Variants in ADAM7 observed in about 807,000 individuals in gnomAD.
ADAM7 encodes the protein ADAM metallopeptidase domain 7.
ADAM7 carries 97 observed loss-of-function variants against 102.9 expected under a neutral mutation model. That is an observed-to-expected ratio of 0.94 (90% CI 0.80 to 1.12). ADAM7 has a LOEUF of 1.12. Among genes scored for constraint, ADAM7 ranks in the 50% most tolerant of loss-of-function variants. The pLI is 0.00. For missense variants in ADAM7, 991 were observed against 908.7 expected (o/e 1.09, Z -1.16); for synonymous variants, 334 against 304.4 (o/e 1.10, Z -1.01).
At chr8:24,464,214 A>G (rs577655614) in intron 4 of ADAM7, among the ~76,000 whole-genome samples, 98 of 152,314 alleles carry the variant, frequency 6.4e-4, no homozygotes, top group African/African-American at 2.0e-3. Context: ...TGTACACTCA[A>G]TATGGTGTTA....
In ADAM7 at chr8:24,475,505, T is replaced by C. The variant is rs1819737998; in HGVS notation, c.634-928T>C. 2.0e-5 allele frequency among the ~76,000 whole-genome samples: 3 copies of C among 152,118 alleles called. No homozygotes were observed. In the South Asian group the frequency reaches 6.2e-4, roughly 32 times the overall value. On this transcript the variant is annotated intron_variant, in intron 7 of 21. Transcript: ENST00000175238. Reference sequence around the variant, plus strand: ...AAAGGAAAATATGTTCACAATGTATTTGATAATTAAGAGAATATTTGTGGG... The same window carrying C: ...AAAGGAAAATATGTTCACAATGTATCTGATAATTAAGAGAATATTTGTGGG...
rs544890798 is a variant in ADAM7 at position 24,482,367 on chromosome 8, C to CA, written c.875+65dup. On this transcript the variant is annotated intron_variant, in intron 9 of 21. Coordinates refer to ENST00000175238, the MANE Select transcript of ADAM7 (RefSeq NM_003817.4). Reference sequence around the variant, plus strand: ...TTTGGTGGATTATTACAAAAGAAAACAAAAAAAAATTAACAGAAAAAAAAC... The same window carrying CA: ...TTTGGTGGATTATTACAAAAGAAAACAAAAAAAAAATTAACAGAAAAAAAAC... 5.6e-4 allele frequency: 800 copies of CA among 1,436,112 alleles called. 4 individuals carry two copies. In the South Asian group the frequency reaches 5.7e-3, roughly 10 times the overall value. The allele number at this position is 1,436,112 out of a possible 1,614,324, so 89.0% of individuals were successfully genotyped here.
At chr8:24,478,508 T>C (rs1007863489) in intron 8 of ADAM7, among the ~76,000 whole-genome samples, 3 of 152,276 alleles carry the variant, frequency 2.0e-5, no homozygotes, top group Non-Finnish European at 2.9e-5. Context: ...TTGTTCTGTT[T>C]CATAACCTAA....
chr8:24,448,511 C>G (rs996113086), intron 3 of ADAM7, among the ~76,000 whole-genome samples: 1 of 152,112 alleles, frequency 6.6e-6, no homozygotes, highest in East Asian at 1.9e-4. Context: ...TACCACAGAG[C>G]CTCTAAATCT....
intron 3 of ADAM7, among the ~76,000 whole-genome samples, chr8:24,459,979 A>C (rs540329511): frequency 6.6e-6 from 1 of 151,844 alleles, no homozygotes; most frequent in East Asian, 1.9e-4. Context: ...GATTTTTTTT[A>C]TTATCATTCA....
chr8:24,460,398 A>G (rs1819197935), intron 3 of ADAM7, among the ~76,000 whole-genome samples: 1 of 152,044 alleles, frequency 6.6e-6, no homozygotes, highest in South Asian at 2.1e-4. Flanking sequence ...TCCTATTAAC[A>G]TTACATTAAA....
At chr8:24,449,152 C>T (rs891461272) in intron 3 of ADAM7, among the ~76,000 whole-genome samples, 4 of 152,156 alleles carry the variant, frequency 2.6e-5, no homozygotes, top group Non-Finnish European at 5.9e-5. Flanking sequence ...ATTTATAGTC[C>T]TTTGGGTATA....
intron 3 of ADAM7, among the ~76,000 whole-genome samples, chr8:24,452,099 T>G (rs1436189494): frequency 6.6e-6 from 1 of 151,688 alleles, no homozygotes; most frequent in African/African-American, 2.4e-5. Flanking sequence ...ATAGGTGTGG[T>G]GTGGTGCTGA....
chr8:24,500,745 T>C (rs1233786709), intron 18 of ADAM7, 45 bp from the exon 19 acceptor site: 4 of 1,513,156 alleles, frequency 2.6e-6, no homozygotes, highest in African/African-American at 2.8e-5. Context: ...TCCACTGTTT[T>C]ACAACTGATA....
intron 10 of ADAM7, among the ~76,000 whole-genome samples, chr8:24,486,698 C>T (rs912821086): frequency 2.6e-5 from 4 of 151,876 alleles, no homozygotes; most frequent in South Asian, 2.1e-4. Flanking sequence ...TGTCCTGACC[C>T]GGTAGAAGGG....
At chr8:24,457,863 A>ATT (rs1554538194) in intron 3 of ADAM7, among the ~76,000 whole-genome samples, 2 of 147,874 alleles carry the variant, frequency 1.4e-5, no homozygotes, top group Non-Finnish European at 3.0e-5. Context: ...TATGTGTGTG[A>ATT]GTGTGTGTGT....
rs200101638 is a variant in ADAM7, at chr8:24,500,837, G to A, written c.2050G>A (p.Gly684Arg). The A allele has an allele frequency of 6.1e-5, 98 of 1,613,298 alleles. No individual in the cohort carries two copies. In the East Asian group the frequency reaches 9.6e-4, roughly 16 times the overall value. ...GCTTGTCCTGGTTATTGTCGGTATC[G>A]GAGTTCTTATACTATTAGTTCGTTA... ...VVLVLVIVGI[G>R]VLILLVRYRK... Residue 684 changes from glycine (G) to arginine (R), a missense_variant, in exon 19 of 22, where the codon GGA becomes AGA. Physicochemically the swap from Gly to Arg is moderately radical, Grantham distance 125. Transcript: ENST00000175238.
At chr8:24,462,213 C>T (rs1024998340) in intron 3 of ADAM7, among the ~76,000 whole-genome samples, 7 of 152,172 alleles carry the variant, frequency 4.6e-5, no homozygotes, top group Non-Finnish European at 8.8e-5. Context: ...TTGTTTTATT[C>T]TTAGCATGGC....
chr8:24,453,322 C>T (rs1818873974), intron 3 of ADAM7, among the ~76,000 whole-genome samples: 1 of 152,024 alleles, frequency 6.6e-6, no homozygotes, highest in Non-Finnish European at 1.5e-5. Context: ...TCACATAGTC[C>T]CATATTTCTT....
chr8:24,501,093 T>G (rs184334660), intron 19 of ADAM7, among the ~76,000 whole-genome samples, 198 bp downstream of exon 19: 420 of 152,284 alleles, frequency 2.8e-3, no homozygotes, highest in Middle Eastern at 0.014. Flanking sequence ...CTTGTGCACA[T>G]TGAAATCACC....
At chr8:24,455,653 G>A (rs1203874385) in intron 3 of ADAM7, among the ~76,000 whole-genome samples, 4 of 152,198 alleles carry the variant, frequency 2.6e-5, no homozygotes, top group Non-Finnish European at 5.9e-5. Flanking sequence ...CAGTCCTCCT[G>A]CCTTGGCCTC....
chr8:24,457,014 A>G (rs952762954), intron 3 of ADAM7, among the ~76,000 whole-genome samples: 1 of 152,164 alleles, frequency 6.6e-6, no homozygotes, highest in Non-Finnish European at 1.5e-5. Context: ...GTTTAGATTT[A>G]TAGAAATCTG....
At chr8:24,462,339 G>A (rs1280700273) in intron 3 of ADAM7, among the ~76,000 whole-genome samples, 1 of 152,130 alleles carries the variant, frequency 6.6e-6, no homozygotes, top group South Asian at 2.1e-4. Flanking sequence ...CATGATTACT[G>A]TGTACATTCC....
intron 12 of ADAM7, 150 bp from the exon 13 acceptor site, chr8:24,490,648 TA>T: frequency 1.4e-6 from 1 of 708,366 alleles, no homozygotes; most frequent in Non-Finnish European, 2.4e-6. Context: ...ATACCCGTTC[TA>T]AACAGTAATC....
Sources: gnomAD v4.1 joint callset for allele counts (sites outside exome capture counted in the v4.1 genomes callset) on GRCh38, gnomAD v4.1.1 for gene constraint, MANE v1.5 for transcripts, NCBI Gene and HGNC (gene_info 2026-07-23, HGNC 2026-07-21) for gene names.